Variants in KIAA1210 observed in about 807,000 individuals in gnomAD.
KIAA1210 encodes acrosomal protein KIAA1210.
In KIAA1210, 48 loss-of-function variants were observed where a neutral mutation model predicts 78.9. That is an observed-to-expected ratio of 0.61 (90% CI 0.48 to 0.77). The LOEUF (loss-of-function observed/expected upper bound fraction) is 0.77. Among genes scored for constraint, KIAA1210 ranks in the 30% least tolerant of loss-of-function variants. KIAA1210 has a pLI of 0.00. For synonymous variants in KIAA1210, 406 were observed against 404.5 expected, an observed-to-expected ratio of 1.00 and a Z score of -0.04; for missense variants, 1,108 against 1,100.0, an observed-to-expected ratio of 1.01 and a Z score of -0.10.
intron 11 of KIAA1210, among the ~76,000 whole-genome samples, chrX:119,081,953 C>A (rs1375257673): frequency 8.9e-6 from 1 of 112,225 alleles, no homozygotes; most frequent in Non-Finnish European, 1.9e-5. Flanking sequence ...AATAGATGCA[C>A]CCAGTAAAAG....
chrX:119,100,084 C>T (rs1159527927), intron 6 of KIAA1210, among the ~76,000 whole-genome samples: 1 of 110,592 alleles, frequency 9.0e-6, no homozygotes, highest in Admixed American at 9.7e-5. Context: ...GCGGCTCACA[C>T]CTGTAATCCT....
chrX:119,135,469 C>T (rs143109943), intron 2 of KIAA1210, among the ~76,000 whole-genome samples: 4,090 of 111,359 alleles, frequency 0.037, 90 homozygotes, highest in Non-Finnish European at 0.059. Context: ...AAGTGCTGTT[C>T]CAGCATTGGG....
intron 2 of KIAA1210, among the ~76,000 whole-genome samples, chrX:119,146,414 G>T (rs753331051): frequency 6.3e-5 from 7 of 111,726 alleles, no homozygotes; most frequent in African/African-American, 2.3e-4. Context: ...TTTCCAGATT[G>T]TTCATATATT....
chrX:119,112,986 T>C (rs1435987424), intron 3 of KIAA1210, among the ~76,000 whole-genome samples: 1 of 112,190 alleles, frequency 8.9e-6, no homozygotes, highest in Non-Finnish European at 1.9e-5. Context: ...GGTATAGTCA[T>C]GCAATGGACA....
intron 3 of KIAA1210, among the ~76,000 whole-genome samples, chrX:119,112,682 T>C (rs972888016): frequency 9.0e-6 from 1 of 111,493 alleles, no homozygotes. Context: ...ATAACACGCA[T>C]TGGCAAGGTT....
intron 2 of KIAA1210, among the ~76,000 whole-genome samples, chrX:119,121,059 A>T (rs1928441583): frequency 9.0e-6 from 1 of 111,520 alleles, no homozygotes; most frequent in Non-Finnish European, 1.9e-5. Flanking sequence ...AATGAAGACG[A>T]GCCCTGGTCT....
intron 2 of KIAA1210, 36 bp from the exon 3 acceptor site, chrX:119,116,700 T>C (rs757689515): frequency 1.8e-6 from 2 of 1,136,353 alleles, no homozygotes; most frequent in Non-Finnish European, 2.4e-6. Flanking sequence ...CAGAGTGTGA[T>C]GGTAGAAGGG....
intron 6 of KIAA1210, among the ~76,000 whole-genome samples, chrX:119,097,392 G>T (rs1050469380): frequency 4.5e-4 from 50 of 111,025 alleles, no homozygotes; most frequent in African/African-American, 1.5e-3. Flanking sequence ...TCTCCTCTGG[G>T]CTTCTGGACA....
At chrX:119,118,994 G>C (rs746027626) in intron 2 of KIAA1210, among the ~76,000 whole-genome samples, 13 of 112,188 alleles carry the variant, frequency 1.2e-4, no homozygotes, top group Non-Finnish European at 2.4e-4. Context: ...CCACTGGGGA[G>C]CGCAGAATAC....
At chrX:119,130,289 T>C (rs979676067), upstream of KIAA1210, among the ~76,000 whole-genome samples, 1 of 112,403 alleles carries the variant, frequency 8.9e-6, no homozygotes, top group African/African-American at 3.2e-5. Flanking sequence ...AGAATCACCA[T>C]GTTCTTTTGT....
chrX:119,108,434 C>T lies in KIAA1210; in HGVS notation c.395G>A (p.Ser132Asn), dbSNP rs150900628. The T allele has an allele frequency of 8.9e-5, 108 of 1,208,010 alleles. 1 individual carries two copies. In the East Asian group the frequency reaches 2.8e-3, roughly 32 times the overall value. Residue 132 changes from serine (S) to asparagine (N), a missense_variant, in exon 5 of 12, where the codon AGT (serine) becomes AAT (asparagine). Ser to Asn is a conservative substitution (Grantham distance 46). Around this residue, in one of 5 missense-constraint regions of KIAA1210, gnomAD observed 672 missense variants for 607.1 expected, o/e 1.11. Transcript: ENST00000691062. ...TCCAGACACAACTCCAGGAACCTTA[C>T]TCCTAGGTTTAGGCAGAGTTCTGGA... is the stretch of plus-strand genomic sequence containing the variant. ...HISRTLPKPR[S>N]KVPGVVSGAM...
rs1406353387 is a variant in KIAA1210 at position 119,089,620 on chromosome X, C to T, written c.1082G>A (p.Trp361Ter). The change falls in exon 9 of 12, where the codon TGG becomes TAG. Residue 361 changes from tryptophan to a stop codon, truncating the protein, a stop_gained. Transcript: ENST00000691062. LOFTEE classifies it high-confidence loss of function. ...TGAAACACTTGCTCCTTTTCTTCTC[C>T]ATCTTCTTCCATATGCTGCTGACAT... ...YPMSAAYGRR[W>*]RRKGASVSGL... 1 of 1,211,423 alleles carries T rather than the reference C, an allele frequency of 8.3e-7. No homozygotes were observed. Among genetic ancestry groups the T allele is most frequent in the Non-Finnish European group, 1.1e-6 (1 of 895,373 alleles).
intron 1 of KIAA1210, among the ~76,000 whole-genome samples, chrX:119,126,037 T>C (rs1928636097): frequency 9.3e-6 from 1 of 107,289 alleles, no homozygotes; most frequent in African/African-American, 3.4e-5. Context: ...GGTCTTGATG[T>C]AACTGAATGA....
intron 6 of KIAA1210, 100 bp from the exon 7 acceptor site, chrX:119,096,791 C>T (rs1927572717): frequency 5.1e-5 from 30 of 585,281 alleles, no homozygotes; most frequent in Non-Finnish European, 7.3e-5. Context: ...AAGAAGAAAT[C>T]CTTCATGAAC....
At chrX:119,126,951 G>A (rs1337929014) in intron 1 of KIAA1210, among the ~76,000 whole-genome samples, 2 of 111,352 alleles carry the variant, frequency 1.8e-5, no homozygotes, top group Non-Finnish European at 3.8e-5. Context: ...GTGCATGCCT[G>A]TAGTCCCAGC....
chrX:119,128,176 A>G (rs758653011), upstream of KIAA1210, among the ~76,000 whole-genome samples: 1 of 112,258 alleles, frequency 8.9e-6, no homozygotes, highest in African/African-American at 3.2e-5. Context: ...GCTTTTAATA[A>G]TATATTTTAT....
chrX:119,148,971 A>C (rs1929228550), intron 1 of KIAA1210, among the ~76,000 whole-genome samples: 1 of 108,682 alleles, frequency 9.2e-6, no homozygotes, highest in Non-Finnish European at 1.9e-5. Context: ...GAGAAAGTGC[A>C]ACCCTGCTGA....
chrX:119,127,061 G>A (rs950870948), intron 1 of KIAA1210, among the ~76,000 whole-genome samples: 6 of 77,481 alleles, frequency 7.7e-5, no homozygotes, highest in Admixed American at 3.3e-4. Context: ...GTGACAGGGT[G>A]AGAACCTGTC....
chrX:119,142,371 G>A (rs565385031), intron 2 of KIAA1210, among the ~76,000 whole-genome samples: 6 of 111,740 alleles, frequency 5.4e-5, no homozygotes, highest in Admixed American at 1.9e-4. Flanking sequence ...ACTTTGATTC[G>A]GCTTATCATT....
Sources: gnomAD v4.1 joint callset for allele counts (sites outside exome capture counted in the v4.1 genomes callset) on GRCh38, gnomAD v4.1.1 for gene constraint, gnomAD v4.1.1 regional missense constraint, MANE v1.5 for transcripts, NCBI Gene and HGNC (gene_info 2026-07-23, HGNC 2026-07-21) for gene names.